Variants in CTNNA3 observed in about 807,000 individuals in gnomAD.
CTNNA3 encodes the protein catenin alpha 3, also known as catenin alpha-3.
A neutral mutation model predicts 95.7 loss-of-function variants in CTNNA3; 76 were observed. The observed-to-expected ratio is 0.79, with a 90% CI of 0.66 to 0.96. CTNNA3 has a LOEUF of 0.96. CTNNA3 is among the 40% of genes least tolerant of loss of function. The pLI is 0.00. For missense variants in CTNNA3, 1,191 were observed against 1,089.8 expected (o/e 1.09, Z -1.31); for synonymous variants, 431 against 374.4 (o/e 1.15, Z -1.74).
intron 14 of CTNNA3, among the ~76,000 whole-genome samples, chr10:66,073,347 C>T (rs1450713837): frequency 1.3e-5 from 2 of 152,108 alleles, no homozygotes; most frequent in Non-Finnish European, 2.9e-5. Context: ...CTACAGTGTA[C>T]ATATAGGTCA....
At chr10:66,506,389 C>G (rs951215738) in intron 11 of CTNNA3, among the ~76,000 whole-genome samples, 2 of 152,140 alleles carry the variant, frequency 1.3e-5, no homozygotes, top group African/African-American at 4.8e-5. Context: ...GTAGTCTGTG[C>G]TTCTTTTATA....
chr10:67,557,121 T>A (rs1198130851), intron 3 of CTNNA3, among the ~76,000 whole-genome samples: 34 of 152,048 alleles, frequency 2.2e-4, no homozygotes, highest in Admixed American at 2.2e-3. Context: ...CCAGTCATCT[T>A]AAAGTAACAG....
At chr10:67,726,338 A>G (rs1188323408) in intron 1 of CTNNA3, among the ~76,000 whole-genome samples, 1 of 81,042 alleles carries the variant, frequency 1.2e-5, no homozygotes, top group African/African-American at 5.0e-5. Context: ...TACATATTAT[A>G]TATAATATAT....
chr10:66,542,384 ACTGGGTATATAC>A (rs1841885916), intron 10 of CTNNA3, among the ~76,000 whole-genome samples: 1 of 152,152 alleles, frequency 6.6e-6, no homozygotes, highest in Non-Finnish European at 1.5e-5. Flanking sequence ...CCATCCCATT[ACTGGGTATATAC>A]CCAAAGGAAT....
At chr10:66,581,382 T>A (rs1466991096) in intron 10 of CTNNA3, among the ~76,000 whole-genome samples, 1 of 150,570 alleles carries the variant, frequency 6.6e-6, no homozygotes. Context: ...GTGTTCCTCT[T>A]TCACCACGTC....
chr10:66,330,580 A>C (rs2092313436), intron 12 of CTNNA3, among the ~76,000 whole-genome samples: 2 of 152,086 alleles, frequency 1.3e-5, no homozygotes, highest in South Asian at 4.1e-4. Context: ...CTCTGGGTAT[A>C]CACCCAGCAA....
intron 13 of CTNNA3, among the ~76,000 whole-genome samples, chr10:66,103,835 A>G (rs2081760215): frequency 6.6e-6 from 1 of 152,174 alleles, no homozygotes; most frequent in South Asian, 2.1e-4. Context: ...AATATACTAA[A>G]AAACACTGAG....
intron 2 of CTNNA3, among the ~76,000 whole-genome samples, chr10:67,609,522 C>T (rs1330536621): frequency 6.6e-6 from 1 of 152,074 alleles, no homozygotes; most frequent in East Asian, 1.9e-4. Context: ...TCCTACCCTC[C>T]TCCCCTTACC....
intron 3 of CTNNA3, among the ~76,000 whole-genome samples, chr10:67,558,396 T>C (rs1393280417): frequency 6.6e-6 from 1 of 152,220 alleles, no homozygotes; most frequent in African/African-American, 2.4e-5. Flanking sequence ...TGCTTAAAAA[T>C]AGGCTTTTAA....
chr10:67,442,756 T>C lies in CTNNA3; in HGVS notation c.579+79086A>G, dbSNP rs147862574. Among the ~76,000 whole-genome samples, 143 of 152,166 alleles carry C rather than the reference T, an allele frequency of 9.4e-4. 2 individuals carry two copies. In the East Asian group the frequency reaches 0.026, roughly 28 times the overall value. ...AGCTAAAGAGACAGGTAGACCTCAA[T>C]ATAATAACAACTAGAGACTTTAACA... On this transcript the variant is annotated intron_variant, in intron 5 of 17. Coordinates refer to ENST00000433211, the MANE Select transcript of CTNNA3 (RefSeq NM_013266.4).
intron 6 of CTNNA3, among the ~76,000 whole-genome samples, chr10:67,205,226 G>T (rs187567752): frequency 6.6e-6 from 1 of 152,138 alleles, no homozygotes; most frequent in East Asian, 1.9e-4. Context: ...GCAAGATGGG[G>T]GTTGGTTATA....
intron 12 of CTNNA3, among the ~76,000 whole-genome samples, chr10:66,369,497 T>C (rs1479150299): frequency 6.6e-6 from 1 of 152,146 alleles, no homozygotes; most frequent in East Asian, 1.9e-4. Flanking sequence ...ATATCTAGTG[T>C]TTACAGTTTT....
At chr10:67,142,563 C>A (rs1405224464) in intron 7 of CTNNA3, among the ~76,000 whole-genome samples, 1 of 152,126 alleles carries the variant, frequency 6.6e-6, no homozygotes, top group Non-Finnish European at 1.5e-5. Context: ...GTAAAAATTA[C>A]ATTTACTCTA....
At chr10:67,070,882 T>A (rs1167940822) in intron 7 of CTNNA3, among the ~76,000 whole-genome samples, 1 of 152,224 alleles carries the variant, frequency 6.6e-6, no homozygotes, top group Non-Finnish European at 1.5e-5. Context: ...AACTTTTCTC[T>A]GCATTAATCA....
chr10:66,799,732 A>G (rs976253501), intron 7 of CTNNA3, among the ~76,000 whole-genome samples: 11 of 151,462 alleles, frequency 7.3e-5, no homozygotes, highest in Non-Finnish European at 5.9e-5. Flanking sequence ...CCACACCCGA[A>G]GAAAGGAAAA....
At chr10:66,949,626 C>T (rs1848437504) in intron 7 of CTNNA3, among the ~76,000 whole-genome samples, 1 of 151,634 alleles carries the variant, frequency 6.6e-6, no homozygotes, top group African/African-American at 2.4e-5. Flanking sequence ...TGAAAACATC[C>T]AGTCTGCAGT....
chr10:65,917,692 A>G lies in CTNNA3; in HGVS notation c.*2638T>C, dbSNP rs1383518612. 1.3e-5 allele frequency: 2 copies of G among 152,196 alleles called. No homozygotes were observed. The highest frequency in any genetic ancestry group is 1.3e-4 in the Admixed American group (2 of 15,274). The allele number at this position is 152,196 out of a possible 1,614,324, so 9.4% of individuals were successfully genotyped here. A position where few individuals can be genotyped will look rare whatever the true frequency, so the allele number is the denominator to read the frequency against. Reference sequence around the variant, plus strand: ...AGAGGAAGCACTAATCTCTGTGATGAGACATCAAAAGGTACATAGGTGGAT... The same window carrying G: ...AGAGGAAGCACTAATCTCTGTGATGGGACATCAAAAGGTACATAGGTGGAT... On this transcript the variant is annotated 3_prime_UTR_variant, in exon 18 of 18. Coordinates refer to ENST00000433211, the MANE Select transcript of CTNNA3 (RefSeq NM_013266.4).
At position 66,245,708 on chromosome 10, in the gene CTNNA3, G is replaced by A. The variant is rs74584329; in HGVS notation, c.1884+34762C>T. ...ATCATTTTGTACCTCTCAGCAAAGAGAAGGCCCTGGAGTGGGTTGCTGTTC... is the reference window on the plus strand; with the variant it reads ...ATCATTTTGTACCTCTCAGCAAAGAAAAGGCCCTGGAGTGGGTTGCTGTTC... On this transcript the variant is annotated intron_variant, in intron 13 of 17. Transcript: ENST00000433211. Among the ~76,000 whole-genome samples, 63 of 152,262 alleles carry A rather than the reference G, an allele frequency of 4.1e-4. No homozygotes were observed. In the East Asian group the frequency reaches 6.6e-3, roughly 16 times the overall value.
intron 7 of CTNNA3, chr10:66,928,340 G>A: frequency 6.2e-7 from 1 of 1,614,132 alleles, no homozygotes; most frequent in Non-Finnish European, 8.5e-7. Flanking sequence ...ATGACTCCCA[G>A]CACCCAGGAA....
Sources: allele counts gnomAD v4.1 joint callset (sites outside exome capture counted in the v4.1 genomes callset), GRCh38; gene constraint gnomAD v4.1.1; transcripts MANE v1.5; gene names NCBI Gene and HGNC (gene_info 2026-07-23, HGNC 2026-07-21).